Variants in PAQR8 observed in about 807,000 individuals in gnomAD.
PAQR8 encodes membrane progestin receptor beta.
In PAQR8, 17 loss-of-function variants were observed where a neutral mutation model predicts 25.2. That is an observed-to-expected ratio of 0.67 (90% CI 0.46 to 1.01). PAQR8 has a LOEUF of 1.01. Ranked by LOEUF, PAQR8 falls within the 50% of genes least tolerant of loss-of-function variation. The probability of loss-of-function intolerance (pLI) is 0.00; values close to 1 mark genes in which losing one functional copy is unlikely to be tolerated. For missense variants in PAQR8, 392 were observed against 448.4 expected (o/e 0.87, Z 1.14); for synonymous variants, 204 against 190.6 (o/e 1.07, Z -0.58).
chr6:52,366,906 C>T (rs1411603027), intron 1 of PAQR8, among the ~76,000 whole-genome samples: 1 of 152,094 alleles, frequency 6.6e-6, no homozygotes, highest in African/African-American at 2.4e-5. Flanking sequence ...CGCACCACCA[C>T]ACCCAGCTAA....
Position 52,366,980 on chromosome 6 carries a change from G to A in PAQR8, c.-53+4731G>A, listed in dbSNP as rs145633617. ...AGGCTGGTCTCGAACTCCTGACCTC[G>A]TGATCTGCCCATCTTGGCCTCCCAA... On this transcript the variant is annotated intron_variant, in intron 1 of 1. Coordinates refer to ENST00000442253, the MANE Select transcript of PAQR8 (RefSeq NM_133367.5). Among the ~76,000 whole-genome samples, 1,442 of 152,160 alleles carry A rather than the reference G, an allele frequency of 9.5e-3. 24 individuals are homozygous for A. The highest frequency in any genetic ancestry group is 0.033 in the African/African-American group (1,353 of 41,496).
chr6:52,369,372 A>G (rs902126229), intron 1 of PAQR8, among the ~76,000 whole-genome samples: 1 of 152,192 alleles, frequency 6.6e-6, no homozygotes, highest in African/African-American at 2.4e-5. Context: ...AGAGGTGGTG[A>G]CATTTATCCT....
At chr6:52,382,488 A>G (rs1001865318) in intron 1 of PAQR8, among the ~76,000 whole-genome samples, 1 of 152,222 alleles carries the variant, frequency 6.6e-6, no homozygotes, top group Admixed American at 6.5e-5. Flanking sequence ...GTATATTCAT[A>G]CAGTGGAAGT....
In PAQR8 at chr6:52,405,678, A is replaced by C. The variant is rs1018682620; in HGVS notation, c.*1400A>C. On this transcript the variant is annotated 3_prime_UTR_variant, in exon 2 of 2. Transcript: ENST00000442253. The stretch of plus-strand genomic sequence containing the variant: ...GTCAGTATGAGGTCCCTTAGTTACT[A>C]AAAAGGGACATGATTTAACTCCAGT... The C allele has an allele frequency of 1.2e-5, 2 of 167,078 alleles. No homozygotes were observed. The highest frequency in any genetic ancestry group is 4.8e-5 in the African/African-American group (2 of 41,454). 10.3% of individuals were successfully genotyped at this position (167,078 alleles called of 1,614,324 possible).
intron 1 of PAQR8, among the ~76,000 whole-genome samples, chr6:52,363,379 G>A (rs967323804): frequency 1.3e-5 from 2 of 152,210 alleles, no homozygotes; most frequent in Non-Finnish European, 2.9e-5. Context: ...AACCCAATGA[G>A]AAGAGCCTGG....
chr6:52,402,853 A>G (rs1763851503), intron 1 of PAQR8, among the ~76,000 whole-genome samples: 4 of 152,094 alleles, frequency 2.6e-5, no homozygotes, highest in Admixed American at 2.6e-4. Context: ...AGGAGGGAGG[A>G]GTGCTTGAGC....
At chr6:52,392,208 G>A (rs1325140023) in intron 1 of PAQR8, among the ~76,000 whole-genome samples, 2 of 152,096 alleles carry the variant, frequency 1.3e-5, no homozygotes, top group South Asian at 2.1e-4. Flanking sequence ...GCTGGGTGTG[G>A]CAGTGTGCGC....
At chr6:52,385,500 T>C (rs1763621694) in intron 1 of PAQR8, among the ~76,000 whole-genome samples, 1 of 152,204 alleles carries the variant, frequency 6.6e-6, no homozygotes, top group Non-Finnish European at 1.5e-5. Flanking sequence ...TTGGGGAAGA[T>C]TTATAACTAA....
At chr6:52,376,430 A>G (rs111707535) in intron 1 of PAQR8, among the ~76,000 whole-genome samples, 2 of 152,146 alleles carry the variant, frequency 1.3e-5, no homozygotes, top group Non-Finnish European at 2.9e-5. Context: ...TCAACAGTAC[A>G]TTCTTTTGCA....
At chr6:52,400,245 TAGAAATAG>T (rs1347608025) in intron 1 of PAQR8, among the ~76,000 whole-genome samples, 1 of 152,134 alleles carries the variant, frequency 6.6e-6, no homozygotes, top group African/African-American at 2.4e-5. Flanking sequence ...GGGGCTGCCA[TAGAAATAG>T]GTTCAAGGTA....
At position 52,407,368 on chromosome 6, in the gene PAQR8, T is replaced by C. The variant is rs1469539219; in HGVS notation, c.*3090T>C. The C allele has an allele frequency of 6.0e-6, 1 of 167,090 alleles. No individual in the cohort carries two copies. The highest frequency in any genetic ancestry group is 1.5e-5 in the Non-Finnish European group (1 of 68,114). The allele number at this position is 167,090 out of a possible 1,614,324, so 10.4% of individuals were successfully genotyped here. ...ATGCTTAATAATACTTGTAAGACTCTAGGGGTTCATTTCCCATTTCAGCGG... is the reference window on the plus strand; with the variant it reads ...ATGCTTAATAATACTTGTAAGACTCCAGGGGTTCATTTCCCATTTCAGCGG... On this transcript the variant is annotated 3_prime_UTR_variant, in exon 2 of 2. Transcript: ENST00000442253.
chr6:52,388,003 T>G (rs773350133), intron 1 of PAQR8, among the ~76,000 whole-genome samples: 1 of 152,238 alleles, frequency 6.6e-6, no homozygotes, highest in Non-Finnish European at 1.5e-5. Context: ...CTAGTTGCAG[T>G]AAAACAAGCT....
Position 52,403,823 on chromosome 6 carries a change from C to T in PAQR8, c.610C>T (p.Pro204Ser), listed in dbSNP as rs758006938. Residue 204 changes from proline to serine, a missense_variant, in exon 2 of 2, where the codon CCT becomes TCT. Pro to Ser is a moderately conservative substitution (Grantham distance 74). Transcript: ENST00000442253. ...CCYAKYRYRR[P>S]YPVMRKICQV... is the part of the protein sequence containing the mutation. ...CTATGCCAAATATCGTTACCGGAGG[C>T]CTTATCCAGTCATGAGGAAGATCTG... The T allele has an allele frequency of 1.9e-6, 3 of 1,614,080 alleles. No individual in the cohort carries two copies. The highest frequency in any genetic ancestry group is 1.6e-4 in the Middle Eastern group (1 of 6,084).
chr6:52,371,856 T>C (rs1384564106), intron 1 of PAQR8, among the ~76,000 whole-genome samples: 1 of 152,178 alleles, frequency 6.6e-6, no homozygotes, highest in African/African-American at 2.4e-5. Context: ...CAAGGGCTCT[T>C]AAAGTTAGTG....
At chr6:52,367,414 T>A (rs1238216909) in intron 1 of PAQR8, among the ~76,000 whole-genome samples, 5 of 152,172 alleles carry the variant, frequency 3.3e-5, no homozygotes, top group African/African-American at 1.2e-4. Context: ...GAGATGTGAG[T>A]TAGAGTGTGT....
intron 1 of PAQR8, among the ~76,000 whole-genome samples, chr6:52,381,443 A>G (rs775158637): frequency 3.9e-5 from 6 of 152,218 alleles, no homozygotes; most frequent in Non-Finnish European, 5.9e-5. Flanking sequence ...CCCCAGCTCT[A>G]CAAAAAGTAT....
At chr6:52,376,379 T>C (rs1385253350) in intron 1 of PAQR8, among the ~76,000 whole-genome samples, 1 of 152,120 alleles carries the variant, frequency 6.6e-6, no homozygotes, top group Non-Finnish European at 1.5e-5. Flanking sequence ...GTGGTTAAGA[T>C]CAGACTGTGT....
In PAQR8 at chr6:52,389,552, G is replaced by T. The variant is rs959993103; in HGVS notation, c.-52-13610G>T. ...GAGGAATCAAGATGGCCTGGAGAAG[G>T]CTTTGTGGTGATTTGGAATTGAACT... On this transcript the variant is annotated intron_variant, in intron 1 of 1. Transcript: ENST00000442253. 2.6e-5 allele frequency among the ~76,000 whole-genome samples: 4 copies of T among 152,200 alleles called. No individual in the cohort carries two copies. The East Asian group carries it at 7.7e-4, about 29-fold the overall frequency.
intron 1 of PAQR8, among the ~76,000 whole-genome samples, chr6:52,390,604 C>T (rs974476376): frequency 1.3e-4 from 20 of 152,126 alleles, no homozygotes; most frequent in African/African-American, 4.8e-4. Flanking sequence ...GTATTAATGC[C>T]GTTTGAGTTT....
Sources: allele counts gnomAD v4.1 joint callset (sites outside exome capture counted in the v4.1 genomes callset), GRCh38; gene constraint gnomAD v4.1.1; transcripts MANE v1.5; gene names NCBI Gene and HGNC (gene_info 2026-07-23, HGNC 2026-07-21).